SCHIP1: variants seen among roughly 807,000 people sequenced by gnomAD.
The protein encoded by SCHIP1 is schwannomin-interacting protein 1.
Under a neutral mutation model 29.7 loss-of-function variants are expected in SCHIP1, and 8 were observed. The observed-to-expected ratio is 0.27, with a 90% CI of 0.16 to 0.49. SCHIP1 has a LOEUF of 0.49. SCHIP1 is among the 20% of genes least tolerant of loss of function. SCHIP1 has a pLI of 0.99. For missense variants in SCHIP1, 193 were observed against 294.6 expected, an observed-to-expected ratio of 0.66 and a Z score of 2.52; for synonymous variants, 76 against 94.9, an observed-to-expected ratio of 0.80 and a Z score of 1.16.
At chr3:159,726,967 C>T in the SCHIP1 span, among the ~76,000 whole-genome samples, 4 of 152,176 alleles carry the variant, frequency 2.6e-5, no homozygotes, top group African/African-American at 7.2e-5. Flanking sequence ...TGGCAATTGG[C>T]GATATGCTGG....
chr3:159,428,763 A>T, the SCHIP1 span, among the ~76,000 whole-genome samples: 6 of 152,020 alleles, frequency 3.9e-5, no homozygotes, highest in African/African-American at 1.4e-4. Context: ...TTATTGCGGC[A>T]CTATTCACAA....
At chr3:159,499,071 C>A in the SCHIP1 span, among the ~76,000 whole-genome samples, 3,886 of 152,218 alleles carry the variant, frequency 0.026, 173 homozygotes, top group African/African-American at 0.089. Flanking sequence ...TTCAACCCCA[C>A]CCCCATTAAC....
the SCHIP1 span, among the ~76,000 whole-genome samples, chr3:159,731,934 T>C: frequency 6.6e-6 from 1 of 152,128 alleles, no homozygotes; most frequent in African/African-American, 2.4e-5. Context: ...TTGCAACCTC[T>C]GCCTCTAGGT....
chr3:159,442,809 A>T, the SCHIP1 span, among the ~76,000 whole-genome samples: 1 of 152,154 alleles, frequency 6.6e-6, no homozygotes, highest in Non-Finnish European at 1.5e-5. Flanking sequence ...GTGAGGAGAC[A>T]GGCTCACAGG....
chr3:159,446,005 A>C, the SCHIP1 span, among the ~76,000 whole-genome samples: 1 of 149,328 alleles, frequency 6.7e-6, no homozygotes, highest in South Asian at 2.1e-4. Flanking sequence ...GTGCACATGT[A>C]CCCTAAAACT....
chr3:159,589,405 A>C, the SCHIP1 span, among the ~76,000 whole-genome samples: 1 of 152,182 alleles, frequency 6.6e-6, no homozygotes. Flanking sequence ...TGTCATTTGC[A>C]AACAGGGACA....
intron 2 of SCHIP1, among the ~76,000 whole-genome samples, chr3:159,876,731 T>A (rs2109344169): frequency 6.6e-6 from 1 of 152,352 alleles, no homozygotes; most frequent in Admixed American, 6.5e-5. Context: ...TATCATATGT[T>A]TCTTGTGCAC....
the SCHIP1 span, among the ~76,000 whole-genome samples, chr3:159,431,343 G>A: frequency 1.3e-5 from 2 of 151,522 alleles, no homozygotes; most frequent in African/African-American, 4.9e-5. Context: ...GGGAGTAGAG[G>A]TAGCTGAGAC....
At chr3:159,438,495 T>C in the SCHIP1 span, among the ~76,000 whole-genome samples, 2 of 152,144 alleles carry the variant, frequency 1.3e-5, no homozygotes, top group African/African-American at 4.8e-5. Context: ...TATCTGACTT[T>C]TAAGTTCAGG....
chr3:159,715,282 A>G, the SCHIP1 span, among the ~76,000 whole-genome samples: 13 of 152,222 alleles, frequency 8.5e-5, no homozygotes, highest in African/African-American at 3.1e-4. Context: ...ATAAAACCAC[A>G]AAGATGGGGA....
chr3:159,775,472 G>T, the SCHIP1 span, among the ~76,000 whole-genome samples: 1 of 152,204 alleles, frequency 6.6e-6, no homozygotes, highest in Non-Finnish European at 1.5e-5. Context: ...CCCCTCAGCA[G>T]CACACACCCC....
the SCHIP1 span, among the ~76,000 whole-genome samples, chr3:159,395,751 A>G: frequency 6.6e-6 from 1 of 151,452 alleles, no homozygotes; most frequent in African/African-American, 2.4e-5. Context: ...TATGTGGTCA[A>G]TTTTGGAATA....
chr3:159,664,717 A>C, the SCHIP1 span, among the ~76,000 whole-genome samples: 4 of 152,238 alleles, frequency 2.6e-5, no homozygotes, highest in African/African-American at 9.6e-5. Flanking sequence ...TATAAGAGGC[A>C]TATAAGACAT....
the SCHIP1 span, among the ~76,000 whole-genome samples, chr3:159,484,208 C>T: frequency 6.6e-6 from 1 of 152,236 alleles, no homozygotes; most frequent in South Asian, 2.1e-4. Flanking sequence ...TAAACCAGAA[C>T]GTTCAACTAA....
chr3:159,556,400 C>T, the SCHIP1 span, among the ~76,000 whole-genome samples: 3 of 152,020 alleles, frequency 2.0e-5, no homozygotes, highest in Admixed American at 2.0e-4. Flanking sequence ...CCATTTGACC[C>T]AGCCATCCCA....
At chr3:159,480,397 A>G in the SCHIP1 span, among the ~76,000 whole-genome samples, 1 of 152,126 alleles carries the variant, frequency 6.6e-6, no homozygotes, top group Non-Finnish European at 1.5e-5. Flanking sequence ...TTCCCTCTGT[A>G]CCAAAACATA....
At chr3:159,713,508 A>C in the SCHIP1 span, among the ~76,000 whole-genome samples, 1 of 152,332 alleles carries the variant, frequency 6.6e-6, no homozygotes, top group Non-Finnish European at 1.5e-5. Flanking sequence ...ATTATTGATA[A>C]AATATTTCAA....
the SCHIP1 span, among the ~76,000 whole-genome samples, chr3:159,798,351 A>C: frequency 6.6e-6 from 1 of 152,186 alleles, no homozygotes; most frequent in Admixed American, 6.5e-5. Context: ...ACTTAATTTC[A>C]CAGGCTTTTT....
At chr3:159,589,704 C>A in the SCHIP1 span, among the ~76,000 whole-genome samples, 1 of 152,134 alleles carries the variant, frequency 6.6e-6, no homozygotes, top group South Asian at 2.1e-4. Flanking sequence ...GCAGAAATTT[C>A]ATGACAAAAT....
Sources: gnomAD v4.1 joint callset for allele counts (sites outside exome capture counted in the v4.1 genomes callset) on GRCh38, gnomAD v4.1.1 for gene constraint, MANE v1.5 for transcripts, NCBI Gene and HGNC (gene_info 2026-07-23, HGNC 2026-07-21) for gene names.